COL1A1: variants seen among roughly 807,000 people sequenced by gnomAD.
COL1A1 encodes collagen alpha-1(I) chain.
In COL1A1, 21 loss-of-function variants were observed where a neutral mutation model predicts 195.7. The ratio of observed to expected loss-of-function variants is 0.11; its 90% CI spans 0.08 to 0.15. The LOEUF is 0.15. Ranked by LOEUF, COL1A1 falls within the 10% of genes least tolerant of loss-of-function variation. The pLI, the probability that COL1A1 is intolerant of heterozygous loss-of-function variation, is 1.00. For synonymous variants in COL1A1, 749 were observed against 747.3 expected, an observed-to-expected ratio of 1.00 and a Z score of -0.04; for missense variants, 1,365 against 2,051.0, an observed-to-expected ratio of 0.67 and a Z score of 6.46.
At position 50,200,061 on chromosome 17, in the gene COL1A1, C is replaced by A. The variant is rs759470340; in HGVS notation, c.104-114G>T. On this transcript the variant is annotated intron_variant, in intron 1 of 50. Coordinates refer to ENST00000225964, the MANE Select transcript of COL1A1 (RefSeq NM_000088.4). ...ATTTTTCACTTCCCGCCCCTCCCCC[C>A]GTTCTTCTTTCCTCAAATCCTTAAA... The A allele has an allele frequency of 4.3e-6, 5 of 1,163,464 alleles. No individual in the cohort carries two copies. In the South Asian group the frequency reaches 4.9e-5, roughly 11 times the overall value. The allele number at this position is 1,163,464 out of a possible 1,614,324, so 72.1% of individuals were successfully genotyped here. A position where few individuals can be genotyped will look rare whatever the true frequency, so the allele number is the denominator to read the frequency against.
Position 50,196,658 on chromosome 17 carries a change from A to G in COL1A1, c.817T>C (p.Leu273=). 3.7e-6 allele frequency: 6 copies of G among 1,614,186 alleles called. No homozygotes were observed. The highest frequency in any genetic ancestry group is 5.1e-6 in the Non-Finnish European group (6 of 1,180,036). Residue 273 remains leucine (L), a synonymous_variant, in exon 12 of 51, where the codon TTG becomes CTG. Transcript: ENST00000225964. ...GMKGHRGFSG[L]DGAKGDAGPA... ...CCAGCATCTCCCTTGGCACCATCCA[A>G]ACCACTGAAACCCTAAAGCAGGAAA...
intron 45 of COL1A1, 87 bp from the exon 46 acceptor site, chr17:50,187,624 G>A: frequency 7.2e-7 from 1 of 1,380,984 alleles, no homozygotes; most frequent in Non-Finnish European, 1.0e-6. Flanking sequence ...GGGCAGTGTG[G>A]GCAACCCATG....
intron 32 of COL1A1, 82 bp from the exon 33 acceptor site, chr17:50,191,006 G>T: frequency 7.5e-7 from 1 of 1,328,234 alleles, no homozygotes; most frequent in Non-Finnish European, 1.1e-6. Flanking sequence ...TGGGTTTCCT[G>T]AGAGGCCCTC....
At position 50,189,787 on chromosome 17, in the gene COL1A1, C is replaced by G; in HGVS notation, c.2614-55G>C. On this transcript the variant is annotated intron_variant, in intron 37 of 50. Coordinates refer to ENST00000225964, the MANE Select transcript of COL1A1 (RefSeq NM_000088.4). This position sits in a 1 kb window ranked among gnomAD's most constrained non-coding sequence, Gnocchi z 5.5. Reference sequence around the variant, plus strand: ...AGGGAGAACAGCCAACTCATCCGACCCAGCTGCCCTCACCTGCCACCGCTG... The same window carrying G: ...AGGGAGAACAGCCAACTCATCCGACGCAGCTGCCCTCACCTGCCACCGCTG... 1 of 1,612,252 alleles carries G rather than the reference C, an allele frequency of 6.2e-7. No individual in the cohort carries two copies. The highest frequency in any genetic ancestry group is 8.5e-7 in the Non-Finnish European group (1 of 1,178,920).
chr17:50,197,287 G>T (rs897362455), intron 9 of COL1A1, 54 bp from the exon 10 acceptor site: 86 of 1,580,196 alleles, frequency 5.4e-5, no homozygotes, highest in Non-Finnish European at 7.1e-5. Flanking sequence ...ACCGCCTAGG[G>T]GCTGGAAAAG....
In COL1A1 at chr17:50,186,934, G is replaced by T; in HGVS notation, c.3532-12C>A. The T allele has an allele frequency of 3.1e-6, 5 of 1,613,650 alleles. No homozygotes were observed. Among genetic ancestry groups the T allele is most frequent in the Non-Finnish European group, 4.2e-6 (5 of 1,179,816 alleles). On this transcript the variant is annotated splice_polypyrimidine_tract_variant and intron_variant, in intron 47 of 50. Transcript: ENST00000225964. The surrounding 1 kb of genome is among the most constrained non-coding windows in gnomAD (Gnocchi z 5.3). Reference sequence around the variant, plus strand: ...GGGCCGGGGGGACCCTGCACAGAGAGGGAAGAGAGTGGGGATTACCGGCAT... The same window carrying T: ...GGGCCGGGGGGACCCTGCACAGAGATGGAAGAGAGTGGGGATTACCGGCAT...
rs1906732551 is a variant in COL1A1 at position 50,188,247 on chromosome 17, G to C, written c.3208-98C>G. On this transcript the variant is annotated intron_variant, in intron 43 of 50. Transcript: ENST00000225964. The surrounding 1 kb of genome is among the most constrained non-coding windows in gnomAD (Gnocchi z 5.6). ...CCTCTGCTGGATCTCTCTCTCCTCA[G>C]CTGCTTCCCACTGTGGCCATCTCTC... is the stretch of plus-strand genomic sequence containing the variant. 1 of 1,213,006 alleles carries C rather than the reference G, an allele frequency of 8.2e-7. No homozygotes were observed. The highest frequency in any genetic ancestry group is 1.1e-6 in the Non-Finnish European group (1 of 876,692). 75.1% of individuals were successfully genotyped at this position (1,213,006 alleles called of 1,614,324 possible). A position where few individuals can be genotyped will look rare whatever the true frequency, so the allele number is the denominator to read the frequency against.
At position 50,189,150 on chromosome 17, in the gene COL1A1, G is replaced by A; in HGVS notation, c.2937+18C>T. 1 of 1,606,348 alleles carries A rather than the reference G, an allele frequency of 6.2e-7. No homozygotes were observed. Among genetic ancestry groups the A allele is most frequent in the Non-Finnish European group, 8.5e-7 (1 of 1,173,082 alleles). On this transcript the variant is annotated intron_variant, in intron 40 of 50. Transcript: ENST00000225964. This position sits in a 1 kb window ranked among gnomAD's most constrained non-coding sequence, Gnocchi z 5.5. The stretch of plus-strand genomic sequence containing the variant: ...GATGGTTTTTCTCAGGGCCCCCCAA[G>A]GTGAGGGGGGCACTTACAGAGGGGC...
Position 50,186,955 on chromosome 17 carries a change from G to T in COL1A1, c.3532-33C>A. The T allele has an allele frequency of 6.2e-7, 1 of 1,612,518 alleles. No homozygotes were observed. The highest frequency in any genetic ancestry group is 8.5e-7 in the Non-Finnish European group (1 of 1,179,140). ...GAGAGGGAAGAGAGTGGGGATTACC[G>T]GCATCCAAGTGCTTTGGGGGCTGGA... On this transcript the variant is annotated intron_variant, in intron 47 of 50. Transcript: ENST00000225964. This position sits in a 1 kb window ranked among gnomAD's most constrained non-coding sequence, Gnocchi z 5.3.
chr17:50,186,250 T>C lies in COL1A1; in HGVS notation c.4005+67A>G. The C allele has an allele frequency of 6.2e-7, 1 of 1,600,228 alleles. No homozygotes were observed. The highest frequency in any genetic ancestry group is 8.5e-7 in the Non-Finnish European group (1 of 1,171,612). ...CTTAGCAGAGACCTACTCCAGGACT[T>C]CATGTCCCTTCTGAGCACTGGGCTA... is the stretch of plus-strand genomic sequence containing the variant. On this transcript the variant is annotated intron_variant, in intron 49 of 50. Transcript: ENST00000225964. The surrounding 1 kb of genome is among the most constrained non-coding windows in gnomAD (Gnocchi z 5.3).
chr17:50,197,872 C>T lies in COL1A1; in HGVS notation c.642+77G>A, dbSNP rs187265814. On this transcript the variant is annotated intron_variant, in intron 8 of 50. Coordinates refer to ENST00000225964, the MANE Select transcript of COL1A1 (RefSeq NM_000088.4). ...ATTGAAGGGAAGAGGTAAGGAAGAC[C>T]CCAGGCCTGGGAGTTCTTCTATAGG... 1.3e-5 allele frequency: 21 copies of T among 1,590,268 alleles called. No homozygotes were observed. In the East Asian group the frequency reaches 4.2e-4, roughly 32 times the overall value.
At position 50,185,621 on chromosome 17, in the gene COL1A1, C is replaced by T. The variant is rs763025405; in HGVS notation, c.4276G>A (p.Val1426Met). ...TSHTGAWGKT[V>M]IEYKTTKTSR... ...GTCTTGGTGGTTTTGTATTCAATCACTGTCTTGCCCCAGGCTCCGGTGTGA... is the reference window on the plus strand; with the variant it reads ...GTCTTGGTGGTTTTGTATTCAATCATTGTCTTGCCCCAGGCTCCGGTGTGA... Residue 1426 changes from valine to methionine, a missense_variant, in exon 51 of 51, where the codon GTG becomes ATG. Physicochemically the swap from Val to Met is conservative, Grantham distance 21. Transcript: ENST00000225964. The T allele has an allele frequency of 2.5e-6, 4 of 1,613,982 alleles. No individual in the cohort carries two copies. The highest frequency in any genetic ancestry group is 3.4e-6 in the Non-Finnish European group (4 of 1,180,020).
intron 9 of COL1A1, 131 bp from the exon 10 acceptor site, chr17:50,197,364 G>C (rs989095718): frequency 2.3e-6 from 2 of 887,170 alleles, no homozygotes; most frequent in African/African-American, 3.3e-5. Context: ...TCTTATCTTT[G>C]AATCTAGAGC....
At chr17:50,192,940 G>C (rs1211901486) in intron 26 of COL1A1, 54 bp downstream of exon 26, 3 of 1,613,048 alleles carry the variant, frequency 1.9e-6, no homozygotes, top group Non-Finnish European at 2.5e-6. Context: ...GCAGGGAGGA[G>C]AAAGTGCCGG....
intron 5 of COL1A1, chr17:50,198,828 C>T: frequency 2.3e-6 from 1 of 434,772 alleles, no homozygotes; most frequent in South Asian, 2.3e-5. Context: ...GACTGGATCC[C>T]AGATTGGGGT....
chr17:50,188,036 T>C lies in COL1A1; in HGVS notation c.3262-53A>G. The C allele has an allele frequency of 4.3e-6, 7 of 1,613,436 alleles. No homozygotes were observed. The South Asian group carries it at 6.6e-5, about 15-fold the overall frequency. On this transcript the variant is annotated intron_variant, in intron 44 of 50. Coordinates refer to ENST00000225964, the MANE Select transcript of COL1A1 (RefSeq NM_000088.4). This position sits in a 1 kb window ranked among gnomAD's most constrained non-coding sequence, Gnocchi z 5.6. Reference sequence around the variant, plus strand: ...AGGCGGAAGTTCCATTGGCATCGAGTGGGGCACTGTCTGCATCTGTAGAGT... The same window carrying C: ...AGGCGGAAGTTCCATTGGCATCGAGCGGGGCACTGTCTGCATCTGTAGAGT...
At chr17:50,201,316 G>C in intron 1 of COL1A1, 95 bp downstream of exon 1, 1 of 1,137,754 alleles carries the variant, frequency 8.8e-7, no homozygotes, top group Non-Finnish European at 1.3e-6. Flanking sequence ...CCGAGTCTCC[G>C]GATCATCCAC....
chr17:50,190,695 T>C lies in COL1A1; in HGVS notation c.2344-99A>G, dbSNP rs2144555741. The C allele has an allele frequency of 6.6e-7, 1 of 1,514,840 alleles. No individual in the cohort carries two copies. Among genetic ancestry groups the C allele is most frequent in the East Asian group, 2.3e-5 (1 of 44,232 alleles). The allele number at this position is 1,514,840 out of a possible 1,614,324, so 93.8% of individuals were successfully genotyped here. On this transcript the variant is annotated intron_variant, in intron 33 of 50. Transcript: ENST00000225964. This position sits in a 1 kb window ranked among gnomAD's most constrained non-coding sequence, Gnocchi z 4.7. ...CTCCCCTCCTTCTGGTCCCTCCAGG[T>C]TCCCAGGTTGACAGCTCAGTTTGGC...
At position 50,201,624 on chromosome 17, in the gene COL1A1, C is replaced by A. The variant is rs999070258; in HGVS notation, c.-111G>T. On this transcript the variant is annotated 5_prime_UTR_variant, in exon 1 of 51. Coordinates refer to ENST00000225964, the MANE Select transcript of COL1A1 (RefSeq NM_000088.4). The stretch of plus-strand genomic sequence containing the variant: ...CTGCTCCGACCCCGAGGAGAAACTC[C>A]CGTCTGCTCCGACGACTGGCCCGGG... 1.1e-6 allele frequency: 1 copy of A among 906,944 alleles called. No individual in the cohort carries two copies. The highest frequency in any genetic ancestry group is 1.6e-6 in the Non-Finnish European group (1 of 606,258). 56.2% of individuals were successfully genotyped at this position (906,944 alleles called of 1,614,324 possible). A position where few individuals can be genotyped will look rare whatever the true frequency, so the allele number is the denominator to read the frequency against.
Sources: gnomAD v4.1 joint callset for allele counts on GRCh38, gnomAD v4.1.1 for gene constraint, Gnocchi (gnomAD v3.1) non-coding constraint, MANE v1.5 for transcripts, NCBI Gene and HGNC (gene_info 2026-07-23, HGNC 2026-07-21) for gene names.